Variants in CXADR observed in about 807,000 individuals in gnomAD.
The protein encoded by CXADR is coxsackievirus and adenovirus receptor.
CXADR carries 20 observed loss-of-function variants against 40.3 expected under a neutral mutation model. The observed-to-expected ratio is 0.50, with a 90% CI of 0.35 to 0.72. The LOEUF (loss-of-function observed/expected upper bound fraction) is 0.72, where lower values mean the gene tolerates loss of function less well. Among genes scored for constraint, CXADR ranks in the 30% least tolerant of loss-of-function variants. CXADR has a pLI of 0.01. For missense variants in CXADR, 332 were observed against 449.1 expected, an observed-to-expected ratio of 0.74 and a Z score of 2.36; for synonymous variants, 150 against 161.3, an observed-to-expected ratio of 0.93 and a Z score of 0.53.
intron 7 of CXADR, among the ~76,000 whole-genome samples, chr21:17,589,670 G>T (rs183888373): frequency 6.6e-6 from 1 of 151,766 alleles, no homozygotes; most frequent in Admixed American, 6.6e-5. Context: ...TTATTAAACT[G>T]TTCATCTATT....
the CXADR span, among the ~76,000 whole-genome samples, chr21:17,602,003 C>T: frequency 2.6e-5 from 4 of 152,056 alleles, no homozygotes; most frequent in African/African-American, 7.2e-5. Flanking sequence ...AATGTGCAGT[C>T]GATATCTTAG....
the CXADR span, among the ~76,000 whole-genome samples, chr21:17,634,367 G>A: frequency 2.0e-5 from 3 of 152,146 alleles, no homozygotes; most frequent in South Asian, 2.1e-4. Flanking sequence ...TTCATGTTGC[G>A]TATCTTTTTA....
intron 1 of CXADR, among the ~76,000 whole-genome samples, chr21:17,528,068 CTTTTTTTTTTTT>C (rs35477813): frequency 1.3e-5 from 1 of 78,352 alleles, no homozygotes; most frequent in African/African-American, 5.1e-5. Context: ...TTAGTTCTTT[CTTTTTTTTTTTT>C]TTTTTTTTTT....
At chr21:17,560,639 C>T in intron 4 of CXADR, 63 bp from the exon 5 acceptor site, 1 of 1,516,932 alleles carries the variant, frequency 6.6e-7, no homozygotes, top group Non-Finnish European at 9.1e-7. Context: ...ACTATGTTTA[C>T]TAACACCTGA....
rs572034468 is a variant in CXADR, at chr21:17,543,316, A to G, written c.44-3711A>G. 6.6e-5 allele frequency among the ~76,000 whole-genome samples: 10 copies of G among 152,302 alleles called. No homozygotes were observed. In the East Asian group the frequency reaches 1.9e-3, roughly 29 times the overall value. ...AATTACTTTTTATGTATCAAACGAGAAAGAAAGATAATATAAAAACTAAGT... is the reference window on the plus strand; with the variant it reads ...AATTACTTTTTATGTATCAAACGAGGAAGAAAGATAATATAAAAACTAAGT... On this transcript the variant is annotated intron_variant, in intron 1 of 6. Transcript: ENST00000284878.
chr21:17,534,687 C>T (rs1476756275), intron 1 of CXADR, among the ~76,000 whole-genome samples: 1 of 151,854 alleles, frequency 6.6e-6, no homozygotes, highest in Non-Finnish European at 1.5e-5. Context: ...CACAAAATTA[C>T]ACTTGTCTTT....
At chr21:17,581,072 C>G (rs2061356968) in intron 7 of CXADR, among the ~76,000 whole-genome samples, 1 of 152,078 alleles carries the variant, frequency 6.6e-6, no homozygotes, top group African/African-American at 2.4e-5. Context: ...TTTAATTTAA[C>G]AATTGCTCTC....
chr21:17,574,459 CTG>C (rs1018048514), downstream of CXADR, among the ~76,000 whole-genome samples: 7 of 152,180 alleles, frequency 4.6e-5, no homozygotes, highest in South Asian at 1.2e-3. Flanking sequence ...GTTGGAGTAA[CTG>C]TGTGGGAAAT....
intron 4 of CXADR, 70 bp from the exon 5 acceptor site, chr21:17,560,630 CTA>C (rs2061104453): frequency 6.9e-7 from 1 of 1,458,678 alleles, no homozygotes; most frequent in East Asian, 2.3e-5. Flanking sequence ...TTGGAGAGGA[CTA>C]TGTTTACTAA....
chr21:17,535,894 G>A (rs1323533878), intron 1 of CXADR, among the ~76,000 whole-genome samples: 4 of 152,062 alleles, frequency 2.6e-5, no homozygotes, highest in Non-Finnish European at 5.9e-5. Flanking sequence ...TGTAGTCCCA[G>A]CTACTCGAGA....
At chr21:17,529,169 G>C (rs2060638340) in intron 1 of CXADR, among the ~76,000 whole-genome samples, 1 of 151,424 alleles carries the variant, frequency 6.6e-6, no homozygotes, top group Admixed American at 6.6e-5. Context: ...CTCCTGAGTA[G>C]CTGGGATTAC....
At chr21:17,528,121 C>CGCCAG (rs2060622188) in intron 1 of CXADR, among the ~76,000 whole-genome samples, 1 of 142,556 alleles carries the variant, frequency 7.0e-6, no homozygotes, top group Non-Finnish European at 1.5e-5. Flanking sequence ...TCGCCCAGGC[C>CGCCAG]GGATTGCAGT....
the CXADR span, among the ~76,000 whole-genome samples, chr21:17,611,027 T>A: frequency 1.3e-5 from 2 of 151,944 alleles, no homozygotes; most frequent in African/African-American, 4.9e-5. Flanking sequence ...GAAATTCACC[T>A]TCTACAGCCA....
chr21:17,572,771 C>G (rs934264232), downstream of CXADR, among the ~76,000 whole-genome samples: 6 of 151,484 alleles, frequency 4.0e-5, no homozygotes, highest in African/African-American at 1.5e-4. Context: ...AAAAAAATAC[C>G]TGCTTAAAAT....
the CXADR span, chr21:17,598,714 T>C: frequency 6.2e-7 from 1 of 1,614,132 alleles, no homozygotes; most frequent in Non-Finnish European, 8.5e-7. Context: ...TGAATGATAA[T>C]CAGAGGTAAC....
chr21:17,635,391 AT>A, the CXADR span, among the ~76,000 whole-genome samples: 1 of 152,174 alleles, frequency 6.6e-6, no homozygotes, highest in African/African-American at 2.4e-5. Flanking sequence ...CCTTTTATTT[AT>A]TAGTAAATTT....
At chr21:17,556,397 C>T (rs547001525) in intron 3 of CXADR, among the ~76,000 whole-genome samples, 2 of 152,126 alleles carry the variant, frequency 1.3e-5, no homozygotes, top group Non-Finnish European at 2.9e-5. Context: ...TAGTGAGGCC[C>T]TGAATTTCCT....
rs531457043 is a variant in CXADR at position 17,549,627 on chromosome 21, G to A, written c.211-2122G>A. Among the ~76,000 whole-genome samples, 3 of 152,270 alleles carry A rather than the reference G, an allele frequency of 2.0e-5. No individual in the cohort carries two copies. In the South Asian group the frequency reaches 6.2e-4, roughly 32 times the overall value. On this transcript the variant is annotated intron_variant, in intron 2 of 6. Transcript: ENST00000284878. Reference sequence around the variant, plus strand: ...ATCTGAAGACATGTAAAATTTCATGGTAAATTTCCCATTCCTTAACTAATA... The same window carrying A: ...ATCTGAAGACATGTAAAATTTCATGATAAATTTCCCATTCCTTAACTAATA...
At chr21:17,550,351 CAA>C (rs34284825) in intron 2 of CXADR, among the ~76,000 whole-genome samples, 3 of 130,790 alleles carry the variant, frequency 2.3e-5, no homozygotes, top group Admixed American at 7.9e-5. Context: ...AAGACTGTCT[CAA>C]AAAAAAAAAA....
Sources: gnomAD v4.1 joint callset for allele counts (sites outside exome capture counted in the v4.1 genomes callset) on GRCh38, gnomAD v4.1.1 for gene constraint, MANE v1.5 for transcripts, NCBI Gene and HGNC (gene_info 2026-07-23, HGNC 2026-07-21) for gene names.